Variants in ADGRG5 observed in about 807,000 individuals in gnomAD.
ADGRG5 encodes G protein-coupled receptor 114.
Under a neutral mutation model 53.2 loss-of-function variants are expected in ADGRG5, and 37 were observed. The observed-to-expected ratio is 0.70, with a 90% confidence interval of 0.53 to 0.91. The LOEUF (loss-of-function observed/expected upper bound fraction) is 0.91. Ranked by LOEUF, ADGRG5 falls within the 40% of genes least tolerant of loss-of-function variation. The probability of loss-of-function intolerance (pLI) is 0.00; values close to 1 mark genes in which losing one functional copy is unlikely to be tolerated. For synonymous variants in ADGRG5, 277 were observed against 290.4 expected (o/e 0.95, Z 0.47); for missense variants, 614 against 675.8 (o/e 0.91, Z 1.01).
chr16:57,547,399 G>A (rs1321926359), intron 1 of ADGRG5, among the ~76,000 whole-genome samples: 1 of 152,144 alleles, frequency 6.6e-6, no homozygotes, highest in Non-Finnish European at 1.5e-5. Flanking sequence ...TTTCCACTCA[G>A]TGATATGCTG....
At chr16:57,555,872 G>A (rs1596781332) in intron 1 of ADGRG5, among the ~76,000 whole-genome samples, 1 of 152,102 alleles carries the variant, frequency 6.6e-6, no homozygotes, top group African/African-American at 2.4e-5. Context: ...TTGGATCATG[G>A]GGACAGATTT....
chr16:57,541,360 G>A (rs2032486965), upstream of ADGRG5, among the ~76,000 whole-genome samples: 1 of 152,218 alleles, frequency 6.6e-6, no homozygotes, highest in South Asian at 2.1e-4. Context: ...GAAGAGCCTG[G>A]AGGTCAAGGT....
rs1361289708 is a variant in ADGRG5, at chr16:57,562,036, A to G, written c.-38-20A>G. 2.1e-6 allele frequency: 3 copies of G among 1,395,822 alleles called. No individual in the cohort carries two copies. The highest frequency in any genetic ancestry group is 1.4e-5 in the South Asian group (1 of 70,862). 86.5% of individuals were successfully genotyped at this position (1,395,822 alleles called of 1,614,324 possible). On this transcript the variant is annotated intron_variant, in intron 1 of 11. Coordinates refer to ENST00000349457, the MANE Select transcript of ADGRG5 (RefSeq NM_001304376.3). The stretch of plus-strand genomic sequence containing the variant: ...AGGTTGCTCTTTTATCATCATGGTG[A>G]TGGCATGCACCTTTTTCAGGGCCGG...
the ADGRG5 span, among the ~76,000 whole-genome samples, chr16:57,530,984 C>G: frequency 6.6e-6 from 1 of 151,944 alleles, no homozygotes; most frequent in Non-Finnish European, 1.5e-5. Context: ...CAGGTTTCCC[C>G]TCCTCTCCAG....
In ADGRG5 at chr16:57,574,710, A is replaced by T; in HGVS notation, c.1209-105A>T. 1 of 1,289,536 alleles carries T rather than the reference A, an allele frequency of 7.8e-7. No individual in the cohort carries two copies. The highest frequency in any genetic ancestry group is 1.1e-6 in the Non-Finnish European group (1 of 951,678). 79.9% of individuals were successfully genotyped at this position (1,289,536 alleles called of 1,614,324 possible). ...CTGTGTGTTCAGTCAGGCAAGAAACAATAGGGCCTGAGCCAGGAGACCGAG... is the reference window on the plus strand; with the variant it reads ...CTGTGTGTTCAGTCAGGCAAGAAACTATAGGGCCTGAGCCAGGAGACCGAG... On this transcript the variant is annotated intron_variant, in intron 10 of 11. Coordinates refer to ENST00000349457, the MANE Select transcript of ADGRG5 (RefSeq NM_001304376.3). This position sits in a 1 kb window ranked among gnomAD's most constrained non-coding sequence, Gnocchi z 4.4.
rs770478813 is a variant in ADGRG5, at chr16:57,566,757, T to C, written c.699+6T>C. On this transcript the variant is annotated splice_donor_region_variant and intron_variant, in intron 7 of 11. Coordinates refer to ENST00000349457, the MANE Select transcript of ADGRG5 (RefSeq NM_001304376.3). ...CCTACTTTGCTGTTCTCATGGTATG[T>C]ATGCATCCTGAGTGGGGCTCAGAGC... The C allele has an allele frequency of 1.4e-6, 2 of 1,479,006 alleles. No individual in the cohort carries two copies. The highest frequency in any genetic ancestry group is 1.8e-6 in the Non-Finnish European group (2 of 1,111,512). The allele number at this position is 1,479,006 out of a possible 1,614,324, so 91.6% of individuals were successfully genotyped here.
the ADGRG5 span, chr16:57,536,545 G>C: frequency 6.6e-6 from 1 of 152,158 alleles, no homozygotes; most frequent in African/African-American, 2.4e-5. Flanking sequence ...CCGCTGCGGC[G>C]GGGTAGAGCG....
chr16:57,563,020 T>C (rs1292007268), intron 3 of ADGRG5, 71 bp from the exon 4 acceptor site: 24 of 1,539,226 alleles, frequency 1.6e-5, no homozygotes, highest in Non-Finnish European at 2.1e-5. Context: ...CCTCCCAGGC[T>C]GTCTACAGCC....
At position 57,568,516 on chromosome 16, in the gene ADGRG5, ACCT is replaced by A. The variant is rs1435440307; in HGVS notation, c.1090+398_1090+400del. Among the ~76,000 whole-genome samples, 18 of 148,074 alleles carry A rather than the reference ACCT, an allele frequency of 1.2e-4. 1 individual carries two copies. In the South Asian group the frequency reaches 2.1e-3, roughly 18 times the overall value. On this transcript the variant is annotated intron_variant, in intron 9 of 11. Transcript: ENST00000349457. The stretch of plus-strand genomic sequence containing the variant: ...CTCCACCTTCATCACCACCATCGTC[ACCT>A]CCTCCACGTACATCACCACCTTCTT...
In ADGRG5 at chr16:57,575,853, G is replaced by A; in HGVS notation, c.*315G>A. The A allele has an allele frequency of 2.9e-6, 1 of 342,336 alleles. No homozygotes were observed. Among genetic ancestry groups the A allele is most frequent in the Non-Finnish European group, 5.6e-6 (1 of 178,452 alleles). The allele number at this position is 342,336 out of a possible 1,614,324, so 21.2% of individuals were successfully genotyped here. A position where few individuals can be genotyped will look rare whatever the true frequency, so the allele number is the denominator to read the frequency against. On this transcript the variant is annotated 3_prime_UTR_variant, in exon 12 of 12. Transcript: ENST00000349457. ...ATCAGGAAGCCAAGTTTCAAGGACTGTCTTTGAGTCTGTCTGTATGACCTT... is the reference window on the plus strand; with the variant it reads ...ATCAGGAAGCCAAGTTTCAAGGACTATCTTTGAGTCTGTCTGTATGACCTT...
At chr16:57,570,907 G>A (rs1019913544) in intron 10 of ADGRG5, among the ~76,000 whole-genome samples, 4 of 152,120 alleles carry the variant, frequency 2.6e-5, no homozygotes, top group African/African-American at 7.2e-5. Context: ...CACCTACCCA[G>A]GCTCCAACTC....
At chr16:57,557,000 C>T (rs1357492342) in intron 1 of ADGRG5, among the ~76,000 whole-genome samples, 1 of 148,100 alleles carries the variant, frequency 6.8e-6, no homozygotes, top group Non-Finnish European at 1.5e-5. Context: ...ATCTTGACCT[C>T]CTGGACTCAA....
upstream of ADGRG5, among the ~76,000 whole-genome samples, chr16:57,538,475 C>T (rs1239935969): frequency 3.3e-5 from 5 of 152,072 alleles, no homozygotes; most frequent in African/African-American, 1.2e-4. Flanking sequence ...TGTGATGGTA[C>T]GCTCCTGTAG....
In ADGRG5 at chr16:57,548,640, G is replaced by T. The variant is rs1013080465; in HGVS notation, c.-39+5939G>T. Among the ~76,000 whole-genome samples, 4 of 149,614 alleles carry T rather than the reference G, an allele frequency of 2.7e-5. No individual in the cohort carries two copies. The East Asian group carries it at 7.9e-4, about 29-fold the overall frequency. The stretch of plus-strand genomic sequence containing the variant: ...CCTAACCCTTTGCAACCACTAATCT[G>T]TTCTCCATCTTTATCATTTTGTCAT... On this transcript the variant is annotated intron_variant, in intron 1 of 11. Coordinates refer to ENST00000349457, the MANE Select transcript of ADGRG5 (RefSeq NM_001304376.3).
In ADGRG5 at chr16:57,568,142, C is replaced by T. The variant is rs73547042; in HGVS notation, c.1090+18C>T. On this transcript the variant is annotated intron_variant, in intron 9 of 11. Coordinates refer to ENST00000349457, the MANE Select transcript of ADGRG5 (RefSeq NM_001304376.3). ...AGGCTGGGGTAAGCACATCATCTCT[C>T]CTCGCCTCCTCAGACTTCCAGGTGG... 1.0e-3 allele frequency: 1,654 copies of T among 1,610,974 alleles called. 15 individuals are homozygous for T. In the African/African-American group the frequency reaches 0.02, roughly 19 times the overall value.
Position 57,567,495 on chromosome 16 carries a change from C to T in ADGRG5, c.725C>T (p.Ala242Val), listed in dbSNP as rs766777175. The T allele has an allele frequency of 6.8e-6, 11 of 1,610,330 alleles. No homozygotes were observed. Among genetic ancestry groups the T allele is most frequent in the Non-Finnish European group, 8.5e-6 (10 of 1,179,878 alleles). The change falls in exon 8 of 12, where the codon GCA becomes GTA. Residue 242 changes from alanine (A) to valine (V), a missense_variant. Transcript: ENST00000349457. ...CAACTCTCCCCAGCCCTGGTCCCTG[C>T]AGAGTTGCTGGCACCTCTTACGTAC... ...LMQLSPALVP[A>V]ELLAPLTYIS...
rs1190996456 is a variant in ADGRG5, at chr16:57,567,380, G to A, written c.700-90G>A. 13 of 1,448,818 alleles carry A rather than the reference G, an allele frequency of 9.0e-6. 1 individual carries two copies. The highest frequency in any genetic ancestry group is 2.3e-5 in the East Asian group (1 of 43,330). 89.7% of individuals were successfully genotyped at this position (1,448,818 alleles called of 1,614,324 possible). ...CTAGGCTTGTGGGGAAGGGGACTTGGAGAGGAGGCCTCAGGAGGTCCCTCT... is the reference window on the plus strand; with the variant it reads ...CTAGGCTTGTGGGGAAGGGGACTTGAAGAGGAGGCCTCAGGAGGTCCCTCT... On this transcript the variant is annotated intron_variant, in intron 7 of 11. Coordinates refer to ENST00000349457, the MANE Select transcript of ADGRG5 (RefSeq NM_001304376.3).
At chr16:57,569,191 TCCACCTCCA>T (rs1284488507) in intron 9 of ADGRG5, among the ~76,000 whole-genome samples, 2 of 139,550 alleles carry the variant, frequency 1.4e-5, no homozygotes, top group Admixed American at 1.4e-4. Context: ...CATCACCTCC[TCCACCTCCA>T]CCACCTCCTC....
chr16:57,529,753 G>C, the ADGRG5 span, among the ~76,000 whole-genome samples: 1 of 152,076 alleles, frequency 6.6e-6, no homozygotes, highest in African/African-American at 2.4e-5. The surrounding 1 kb of genome is among the most constrained non-coding windows in gnomAD (Gnocchi z 4.1). Flanking sequence ...AGCCCTCCTG[G>C]AGCACTTCAG....
Sources: allele counts gnomAD v4.1 joint callset (sites outside exome capture counted in the v4.1 genomes callset), GRCh38; gene constraint gnomAD v4.1.1; non-coding constraint Gnocchi (gnomAD v3.1); transcripts MANE v1.5; gene names NCBI Gene and HGNC (gene_info 2026-07-23, HGNC 2026-07-21).